The following PHACTR1 variants were observed in gnomAD, a reference collection of about 807,000 sequenced individuals.
PHACTR1 encodes the protein phosphatase and actin regulator 1.
PHACTR1 carries 16 observed loss-of-function variants against 69.2 expected under a neutral mutation model. The ratio of observed to expected loss-of-function variants is 0.23; its 90% CI spans 0.16 to 0.35. The LOEUF is 0.35. Ranked by LOEUF, PHACTR1 falls within the 10% of genes least tolerant of loss-of-function variation. The pLI, the probability that PHACTR1 is intolerant of heterozygous loss-of-function variation, is 1.00. For synonymous variants in PHACTR1, 312 were observed against 284.5 expected, an observed-to-expected ratio of 1.10 and a Z score of -0.97; for missense variants, 510 against 734.7, an observed-to-expected ratio of 0.69 and a Z score of 3.54.
intron 5 of PHACTR1, among the ~76,000 whole-genome samples, chr6:13,136,205 A>G (rs184242067): frequency 3.9e-5 from 6 of 152,272 alleles, no homozygotes; most frequent in African/African-American, 1.4e-4. Context: ...AAAAAAAGAA[A>G]ATCTATTTGG....
rs1400129903 is a variant in PHACTR1, at chr6:13,280,927, A to G, written c.1510-2495A>G. On this transcript the variant is annotated intron_variant, in intron 12 of 14. Transcript: ENST00000332995. ...CTTTCGTGGTCAGGGACATGAGCCC[A>G]TGCACACAGAGGAGCGTCCTGGTGG... The G allele has an allele frequency of 7.8e-6, 10 of 1,285,132 alleles. No individual in the cohort carries two copies. In the Admixed American group the frequency reaches 1.4e-4, roughly 18 times the overall value. The allele number at this position is 1,285,132 out of a possible 1,614,324, so 79.6% of individuals were successfully genotyped here.
At chr6:13,021,380 T>G (rs1042354685) in intron 4 of PHACTR1, among the ~76,000 whole-genome samples, 5 of 152,274 alleles carry the variant, frequency 3.3e-5, no homozygotes, top group African/African-American at 1.2e-4. Flanking sequence ...GGCTGAGTAA[T>G]ATTTCATTGT....
chr6:13,235,070 G>C (rs533365348), intron 10 of PHACTR1, among the ~76,000 whole-genome samples: 5 of 152,122 alleles, frequency 3.3e-5, no homozygotes, highest in African/African-American at 7.2e-5. Flanking sequence ...GTACCTATGG[G>C]GACATTTGCT....
At chr6:12,895,280 C>G (rs1388159296) in intron 4 of PHACTR1, among the ~76,000 whole-genome samples, 1 of 149,594 alleles carries the variant, frequency 6.7e-6, no homozygotes, top group Non-Finnish European at 1.5e-5. Flanking sequence ...CTCCCAGGTT[C>G]CAGCGATTCT....
chr6:13,059,713 A>T (rs1336824319), intron 5 of PHACTR1, among the ~76,000 whole-genome samples: 1 of 152,162 alleles, frequency 6.6e-6, no homozygotes, highest in Admixed American at 6.5e-5. Context: ...ATGTTGGTTT[A>T]TGGTGGTGGC....
chr6:12,865,473 T>C (rs190980136), intron 4 of PHACTR1, among the ~76,000 whole-genome samples: 9,172 of 152,050 alleles, frequency 0.06, 410 homozygotes, highest in Admixed American at 0.1. Context: ...TGTGTGTGTG[T>C]GTGTGTGCCT....
chr6:12,864,685 GAAAA>G (rs11304795), intron 4 of PHACTR1, among the ~76,000 whole-genome samples: 1 of 141,486 alleles, frequency 7.1e-6, no homozygotes. Context: ...GTCTCATAAA[GAAAA>G]AAAAAAAAAA....
chr6:13,003,795 C>T (rs1040033777), intron 4 of PHACTR1, among the ~76,000 whole-genome samples: 11 of 151,240 alleles, frequency 7.3e-5, no homozygotes, highest in African/African-American at 1.7e-4. Flanking sequence ...TCCATGTCCA[C>T]GGGTACCCAC....
chr6:13,086,505 C>T (rs138404596), intron 5 of PHACTR1, among the ~76,000 whole-genome samples: 1,780 of 152,204 alleles, frequency 0.012, 33 homozygotes, highest in African/African-American at 0.041. Flanking sequence ...CTTTTCTTCA[C>T]CCCTAGGCCC....
chr6:13,157,869 A>C lies in PHACTR1; in HGVS notation c.416-2335A>C, dbSNP rs767717250. ...CCGCTGTGCTGCTGTGCTGCTTAGC[A>C]GATCTTTTCTTTTCTTTTCTTTTCT... On this transcript the variant is annotated intron_variant, in intron 5 of 14. Coordinates refer to ENST00000332995, the MANE Select transcript of PHACTR1 (RefSeq NM_030948.6). Among the ~76,000 whole-genome samples the C allele has an allele frequency of 4.1e-4, 60 of 146,622 alleles. 1 individual carries two copies. Among genetic ancestry groups the C allele is most frequent in the Non-Finnish European group, 1.9e-4 (13 of 67,646 alleles).
chr6:13,005,404 A>G (rs1462681308), intron 4 of PHACTR1, among the ~76,000 whole-genome samples: 1 of 152,094 alleles, frequency 6.6e-6, no homozygotes, highest in Non-Finnish European at 1.5e-5. Flanking sequence ...CTCCCTTTAT[A>G]TGAGCTCTCT....
At chr6:12,731,034 G>A (rs201827532) in intron 3 of PHACTR1, among the ~76,000 whole-genome samples, 6 of 82,354 alleles carry the variant, frequency 7.3e-5, no homozygotes, top group African/African-American at 1.8e-4. Context: ...TTATTTATTT[G>A]AGATGGAGTC....
intron 10 of PHACTR1, among the ~76,000 whole-genome samples, chr6:13,261,455 C>T (rs1775896158): frequency 6.6e-6 from 1 of 152,170 alleles, no homozygotes; most frequent in Non-Finnish European, 1.5e-5. Context: ...TCATGGTGAA[C>T]AAGTGAGAGG....
intron 4 of PHACTR1, among the ~76,000 whole-genome samples, chr6:13,036,251 A>G (rs1405688903): frequency 6.6e-6 from 1 of 152,228 alleles, no homozygotes. Context: ...TCCTATCCCT[A>G]TGCATAAATA....
At chr6:12,909,976 T>A (rs1359171411) in intron 4 of PHACTR1, among the ~76,000 whole-genome samples, 1 of 152,234 alleles carries the variant, frequency 6.6e-6, no homozygotes, top group Admixed American at 6.5e-5. Context: ...TGTCCAGCCC[T>A]GCCCTGGCAA....
At chr6:13,270,713 G>A (rs1223397) in intron 10 of PHACTR1, among the ~76,000 whole-genome samples, 1 of 152,052 alleles carries the variant, frequency 6.6e-6, no homozygotes, top group African/African-American at 2.4e-5. Context: ...GGTGCTATAG[G>A]CTTTATAAGC....
At chr6:13,019,330 T>C (rs1282243884) in intron 4 of PHACTR1, among the ~76,000 whole-genome samples, 1 of 152,252 alleles carries the variant, frequency 6.6e-6, no homozygotes, top group African/African-American at 2.4e-5. Flanking sequence ...TCTTGTATTA[T>C]GTTAAAGCAA....
chr6:12,850,275 C>G (rs553307775), intron 4 of PHACTR1, among the ~76,000 whole-genome samples: 16 of 152,370 alleles, frequency 1.1e-4, no homozygotes, highest in Non-Finnish European at 1.6e-4. Flanking sequence ...AGCCTACAGT[C>G]TAACTCCTAC....
intron 4 of PHACTR1, among the ~76,000 whole-genome samples, chr6:12,887,277 G>T (rs576256623): frequency 6.6e-6 from 1 of 152,300 alleles, no homozygotes; most frequent in African/African-American, 2.4e-5. Flanking sequence ...AAGAATGGAG[G>T]GACTTTCATG....
Sources: gnomAD v4.1 joint callset for allele counts (sites outside exome capture counted in the v4.1 genomes callset) on GRCh38, gnomAD v4.1.1 for gene constraint, MANE v1.5 for transcripts, NCBI Gene and HGNC (gene_info 2026-07-23, HGNC 2026-07-21) for gene names.